Variants in TBC1D5 observed in about 807,000 individuals in gnomAD.
TBC1D5 encodes TBC1 domain family, member 5.
A neutral mutation model predicts 100.3 loss-of-function variants in TBC1D5; 75 were observed. The ratio of observed to expected loss-of-function variants is 0.75; its 90% CI spans 0.62 to 0.91. The LOEUF is 0.91. Among genes scored for constraint, TBC1D5 ranks in the 40% least tolerant of loss-of-function variants. The pLI is 0.00. For synonymous variants in TBC1D5, 323 were observed against 325.6 expected (o/e 0.99, Z 0.09); for missense variants, 910 against 942.4 (o/e 0.97, Z 0.45).
intron 1 of TBC1D5, among the ~76,000 whole-genome samples, chr3:17,651,445 T>C (rs6768666): frequency 0.52 from 78,298 of 151,892 alleles, 21,960 homozygotes; most frequent in East Asian, 0.98. Flanking sequence ...TGTTAAGAGA[T>C]GGTTTCAGCA....
chr3:17,630,715 T>C (rs2063418695), intron 1 of TBC1D5, among the ~76,000 whole-genome samples: 1 of 152,000 alleles, frequency 6.6e-6, no homozygotes, highest in African/African-American at 2.4e-5. Flanking sequence ...AAAGCTATTT[T>C]TATTGAGAGC....
intron 3 of TBC1D5, among the ~76,000 whole-genome samples, chr3:17,477,138 T>G (rs1437445973): frequency 6.6e-6 from 1 of 151,954 alleles, no homozygotes; most frequent in Non-Finnish European, 1.5e-5. Flanking sequence ...TTTTTAATGT[T>G]TCCCCTACAA....
At chr3:17,609,027 T>C (rs749243468) in intron 2 of TBC1D5, among the ~76,000 whole-genome samples, 1 of 152,218 alleles carries the variant, frequency 6.6e-6, no homozygotes, top group Non-Finnish European at 1.5e-5. Context: ...CTCAGAATCA[T>C]CTGGAAATCT....
intron 1 of TBC1D5, among the ~76,000 whole-genome samples, chr3:17,710,486 C>T (rs2153931311): frequency 6.6e-6 from 1 of 151,994 alleles, no homozygotes; most frequent in South Asian, 2.1e-4. Context: ...ATCACTTGAA[C>T]CCGGGAGGCG....
rs886151275 is a variant in TBC1D5, at chr3:17,376,705, A to G, written c.613-92T>C. The stretch of plus-strand genomic sequence containing the variant: ...CTCAGTTAAATACTTCTTCAAACCA[A>G]TTCCCACTAGCAAAATTTCCACATT... On this transcript the variant is annotated intron_variant, in intron 9 of 21. Transcript: ENST00000253692. 22 of 1,011,864 alleles carry G rather than the reference A, an allele frequency of 2.2e-5. No homozygotes were observed. In the South Asian group the frequency reaches 4.6e-4, roughly 21 times the overall value. The allele number at this position is 1,011,864 out of a possible 1,614,324, so 62.7% of individuals were successfully genotyped here.
At chr3:17,342,074 T>C (rs918704659) in intron 13 of TBC1D5, among the ~76,000 whole-genome samples, 10 of 152,184 alleles carry the variant, frequency 6.6e-5, no homozygotes, top group African/African-American at 2.4e-4. Context: ...GCCACAGATA[T>C]CTTTCTAAGA....
chr3:17,712,505 GA>G (rs2074838961), intron 1 of TBC1D5, among the ~76,000 whole-genome samples: 2 of 152,120 alleles, frequency 1.3e-5, no homozygotes, highest in Non-Finnish European at 2.9e-5. Flanking sequence ...ATTTCTAGAA[GA>G]AAAGCCTTAC....
intron 13 of TBC1D5, among the ~76,000 whole-genome samples, chr3:17,326,480 T>C (rs1559638611): frequency 6.6e-6 from 1 of 152,166 alleles, no homozygotes; most frequent in Admixed American, 6.5e-5. Flanking sequence ...ATTATTTTAT[T>C]TATTTATTTT....
At chr3:17,298,736 G>A (rs544330139) in intron 14 of TBC1D5, among the ~76,000 whole-genome samples, 10 of 152,212 alleles carry the variant, frequency 6.6e-5, no homozygotes, top group Admixed American at 1.3e-4. Flanking sequence ...AGACTCAAGA[G>A]GAAACTTAAC....
At chr3:17,699,931 T>C (rs2072888477) in intron 1 of TBC1D5, 2 of 152,200 alleles carry the variant, frequency 1.3e-5, no homozygotes, top group South Asian at 2.1e-4. Context: ...CGGGGACCTC[T>C]TGATCTGCAG....
intron 13 of TBC1D5, among the ~76,000 whole-genome samples, chr3:17,329,852 C>T (rs190118916): frequency 3.0e-4 from 45 of 152,290 alleles, no homozygotes; most frequent in Non-Finnish European, 5.6e-4. Flanking sequence ...CATCCTCCTA[C>T]CTTGCCAATA....
At chr3:17,417,853 GTTGT>G (rs1339067778) in intron 4 of TBC1D5, among the ~76,000 whole-genome samples, 1 of 150,568 alleles carries the variant, frequency 6.6e-6, no homozygotes, top group Non-Finnish European at 1.5e-5. Flanking sequence ...TCCAGCACCT[GTTGT>G]TTGAGAACTT....
At chr3:17,284,754 T>A (rs1473880068) in intron 15 of TBC1D5, among the ~76,000 whole-genome samples, 7 of 152,224 alleles carry the variant, frequency 4.6e-5, no homozygotes, top group Admixed American at 3.9e-4. Context: ...CTTACAAATC[T>A]TTGTTTTAGA....
intron 2 of TBC1D5, among the ~76,000 whole-genome samples, chr3:17,526,623 A>C (rs1306997547): frequency 6.6e-6 from 1 of 152,224 alleles, no homozygotes; most frequent in Non-Finnish European, 1.5e-5. Flanking sequence ...AAAATGGTGA[A>C]TACTCAATTC....
intron 2 of TBC1D5, among the ~76,000 whole-genome samples, chr3:17,577,359 T>C (rs1330471778): frequency 6.6e-6 from 1 of 152,026 alleles, no homozygotes; most frequent in Non-Finnish European, 1.5e-5. Context: ...GTGCAGTGTT[T>C]TGAAACAGAT....
chr3:17,266,338 A>G (rs2078846923), intron 15 of TBC1D5, among the ~76,000 whole-genome samples: 1 of 152,190 alleles, frequency 6.6e-6, no homozygotes, highest in Admixed American at 6.5e-5. Context: ...CTGTATCAAT[A>G]AGGGATATTG....
chr3:17,226,446 C>T (rs1012668044), intron 17 of TBC1D5, among the ~76,000 whole-genome samples: 21 of 151,966 alleles, frequency 1.4e-4, no homozygotes, highest in Admixed American at 1.2e-3. Flanking sequence ...AGGTCCAAGG[C>T]ACTTATTTCC....
At chr3:17,653,172 G>A (rs1391660485) in intron 1 of TBC1D5, among the ~76,000 whole-genome samples, 1 of 152,090 alleles carries the variant, frequency 6.6e-6, no homozygotes, top group East Asian at 1.9e-4. Context: ...GGGGACAGGT[G>A]AAAAATGATT....
At chr3:17,712,311 T>C (rs2074816857) in intron 1 of TBC1D5, among the ~76,000 whole-genome samples, 2 of 152,164 alleles carry the variant, frequency 1.3e-5, no homozygotes, top group Non-Finnish European at 2.9e-5. Context: ...AATTTTACCA[T>C]AGATCTTTAC....
Sources: gnomAD v4.1 joint callset for allele counts (sites outside exome capture counted in the v4.1 genomes callset) on GRCh38, gnomAD v4.1.1 for gene constraint, MANE v1.5 for transcripts, NCBI Gene and HGNC (gene_info 2026-07-23, HGNC 2026-07-21) for gene names.